TAFA1: variants seen among roughly 807,000 people sequenced by gnomAD.
TAFA1 encodes the protein chemokine-like protein TAFA-1.
In TAFA1, 4 loss-of-function variants were observed where a neutral mutation model predicts 18.5. The ratio of observed to expected loss-of-function variants is 0.22; its 90% CI spans 0.11 to 0.49. TAFA1 has a LOEUF of 0.49. TAFA1 is among the 20% of genes least tolerant of loss of function. TAFA1 has a pLI of 0.98. For missense variants in TAFA1, 147 were observed against 169.0 expected, an observed-to-expected ratio of 0.87 and a Z score of 0.72; for synonymous variants, 56 against 55.2, an observed-to-expected ratio of 1.01 and a Z score of -0.06.
intron 2 of TAFA1, among the ~76,000 whole-genome samples, chr3:68,395,670 G>A (rs1040068274): frequency 6.6e-6 from 1 of 152,084 alleles, no homozygotes; most frequent in Non-Finnish European, 1.5e-5. Flanking sequence ...CATGGATGAA[G>A]CTGGAAACCA....
At chr3:68,040,918 T>G (rs1259968219) in intron 2 of TAFA1, among the ~76,000 whole-genome samples, 1 of 152,234 alleles carries the variant, frequency 6.6e-6, no homozygotes, top group Non-Finnish European at 1.5e-5. Flanking sequence ...ACTTTTTTTC[T>G]TTAATAACAC....
At chr3:68,167,386 G>A (rs2065994291) in intron 2 of TAFA1, among the ~76,000 whole-genome samples, 1 of 151,966 alleles carries the variant, frequency 6.6e-6, no homozygotes. Flanking sequence ...GACCATCCTG[G>A]CTAACATGGT....
intron 2 of TAFA1, among the ~76,000 whole-genome samples, chr3:68,134,356 CGT>C (rs140941461): frequency 0.12 from 18,168 of 150,768 alleles, 1,131 homozygotes; most frequent in Middle Eastern, 0.17. Flanking sequence ...GTACTGAGTG[CGT>C]GTGTGTGTGT....
At chr3:68,542,623 A>C (rs1201973641) in intron 4 of TAFA1, among the ~76,000 whole-genome samples, 2 of 152,134 alleles carry the variant, frequency 1.3e-5, no homozygotes, top group Non-Finnish European at 2.9e-5. Context: ...TATTTGGCAA[A>C]GGTTATGAAT....
chr3:68,360,429 TTCA>T (rs2069448166), intron 2 of TAFA1, among the ~76,000 whole-genome samples: 1 of 151,996 alleles, frequency 6.6e-6, no homozygotes, highest in South Asian at 2.1e-4. Flanking sequence ...TAACTAAGTT[TTCA>T]TCATAGAGCA....
intron 3 of TAFA1, among the ~76,000 whole-genome samples, chr3:68,529,016 T>A (rs11927573): frequency 0.026 from 4,030 of 152,142 alleles, 191 homozygotes; most frequent in African/African-American, 0.092. Flanking sequence ...AGGCACTATT[T>A]TTTTTCTCTT....
In TAFA1 at chr3:68,165,006, CA is replaced by C. The variant is rs547286308; in HGVS notation, c.118+158265del. On this transcript the variant is annotated intron_variant, in intron 2 of 4. Coordinates refer to ENST00000478136, the MANE Select transcript of TAFA1 (RefSeq NM_213609.4). ...CTCTTCCTTCTATGTTGTGAATGAA[CA>C]AAGAATAGCTGTTCATACATGAACT... 3.3e-5 allele frequency among the ~76,000 whole-genome samples: 5 copies of C among 152,082 alleles called. No individual in the cohort carries two copies. In the South Asian group the frequency reaches 8.3e-4, roughly 25 times the overall value.
intron 3 of TAFA1, among the ~76,000 whole-genome samples, chr3:68,511,435 G>T (rs2072844170): frequency 6.6e-6 from 1 of 152,002 alleles, no homozygotes; most frequent in Non-Finnish European, 1.5e-5. Context: ...TCTAGATCTT[G>T]GCTAGAATTA....
At chr3:68,381,501 G>T (rs1281724843) in intron 2 of TAFA1, among the ~76,000 whole-genome samples, 2 of 152,260 alleles carry the variant, frequency 1.3e-5, no homozygotes, top group African/African-American at 4.8e-5. Flanking sequence ...TTGTAAGTTG[G>T]ATTCGCAGGT....
At chr3:68,150,997 CT>C (rs2065800736) in intron 2 of TAFA1, among the ~76,000 whole-genome samples, 1 of 151,774 alleles carries the variant, frequency 6.6e-6, no homozygotes, top group Non-Finnish European at 1.5e-5. Flanking sequence ...AAACTAGAAA[CT>C]AAAAAACTAA....
At chr3:68,481,319 A>G (rs1441890778) in intron 3 of TAFA1, among the ~76,000 whole-genome samples, 3 of 152,136 alleles carry the variant, frequency 2.0e-5, no homozygotes, top group African/African-American at 7.2e-5. Context: ...ATGACAATGG[A>G]TTGGGGGTCT....
chr3:68,468,024 T>A (rs763122654), intron 3 of TAFA1, among the ~76,000 whole-genome samples: 10 of 152,208 alleles, frequency 6.6e-5, no homozygotes, highest in Non-Finnish European at 1.2e-4. Flanking sequence ...TTTACTGTGA[T>A]GTCAAGATAT....
At chr3:68,155,818 A>C (rs555194180) in intron 2 of TAFA1, among the ~76,000 whole-genome samples, 4 of 152,288 alleles carry the variant, frequency 2.6e-5, no homozygotes, top group Non-Finnish European at 5.9e-5. Context: ...ATTATATCCC[A>C]GTTTCATGAA....
intron 2 of TAFA1, among the ~76,000 whole-genome samples, chr3:68,072,491 G>C (rs908193316): frequency 3.3e-5 from 5 of 152,208 alleles, no homozygotes; most frequent in Non-Finnish European, 7.3e-5. Context: ...ACCAGAGACA[G>C]GGTGACAAGT....
intron 2 of TAFA1, among the ~76,000 whole-genome samples, chr3:68,080,127 G>A (rs2106771782): frequency 6.6e-6 from 1 of 152,226 alleles, no homozygotes; most frequent in South Asian, 2.1e-4. Context: ...CAGAGACTAG[G>A]ATTGCAACCC....
intron 3 of TAFA1, among the ~76,000 whole-genome samples, chr3:68,440,840 C>G (rs2071361776): frequency 6.6e-6 from 1 of 152,190 alleles, no homozygotes; most frequent in Non-Finnish European, 1.5e-5. Flanking sequence ...GCAGCCAACA[C>G]TGTAACCCCC....
chr3:68,151,062 G>C (rs2065801396), intron 2 of TAFA1, among the ~76,000 whole-genome samples: 1 of 151,762 alleles, frequency 6.6e-6, no homozygotes, highest in Admixed American at 6.6e-5. Context: ...GCCATCCTGA[G>C]TTTATTCAAA....
rs546400375 is a variant in TAFA1 at position 68,445,876 on chromosome 3, T to TTTG, written c.259+28471_259+28473dup. ...TTTGCATACCCTATCTGGCCTAACA[T>TTTG]TTGTTGTTGTTGTTGTTTGTTTGTT... On this transcript the variant is annotated intron_variant, in intron 3 of 4. Transcript: ENST00000478136. 4.5e-4 allele frequency among the ~76,000 whole-genome samples: 68 copies of TTTG among 152,110 alleles called. 1 individual carries two copies. The East Asian group carries it at 0.01, about 23-fold the overall frequency.
intron 2 of TAFA1, among the ~76,000 whole-genome samples, chr3:68,023,465 G>A (rs1057253347): frequency 2.6e-5 from 4 of 152,060 alleles, no homozygotes; most frequent in Non-Finnish European, 2.9e-5. Context: ...GGCTTAACCC[G>A]GTAGCAAGGG....
Sources: gnomAD v4.1 joint callset for allele counts (sites outside exome capture counted in the v4.1 genomes callset) on GRCh38, gnomAD v4.1.1 for gene constraint, MANE v1.5 for transcripts, NCBI Gene and HGNC (gene_info 2026-07-23, HGNC 2026-07-21) for gene names.